The following DIABLO variants were observed in gnomAD, a reference collection of about 807,000 sequenced individuals.
The protein encoded by DIABLO is diablo IAP-binding mitochondrial protein.
DIABLO carries 32 observed loss-of-function variants against 31.7 expected under a neutral mutation model. The observed-to-expected ratio is 1.01, with a 90% CI of 0.76 to 1.35. The LOEUF (loss-of-function observed/expected upper bound fraction) is 1.35. Among genes scored for constraint, DIABLO ranks in the 40% most tolerant of loss-of-function variants. DIABLO has a pLI of 0.00. For missense variants in DIABLO, 316 were observed against 286.4 expected, an observed-to-expected ratio of 1.10 and a Z score of -0.75; for synonymous variants, 132 against 103.2, an observed-to-expected ratio of 1.28 and a Z score of -1.69.
intron 1 of DIABLO, chr12:122,225,123 G>T: frequency 3.1e-6 from 1 of 317,522 alleles, no homozygotes; most frequent in South Asian, 2.8e-5. Context: ...TGAGGCAGGA[G>T]AATCGCTTGA....
Position 122,224,633 on chromosome 12 carries a change from C to G in DIABLO, c.62G>C (p.Cys21Ser). 6.2e-7 allele frequency: 1 copy of G among 1,614,172 alleles called. No individual in the cohort carries two copies. The highest frequency in any genetic ancestry group is 8.5e-7 in the Non-Finnish European group (1 of 1,180,024). Residue 21 changes from cysteine to serine, a missense_variant, in exon 2 of 6, where the codon TGT becomes TCT. Coordinates refer to ENST00000464942, the MANE Select transcript of DIABLO (RefSeq NM_001371333.1). ...SVTSFFRYRQ[C>S]LCVPVVANFK... ...GTTAGCCACAACAGGAACACACAAACACTGTCTGTACCTGGAAGTAGAAGT... is the reference window on the plus strand; with the variant it reads ...GTTAGCCACAACAGGAACACACAAAGACTGTCTGTACCTGGAAGTAGAAGT...
At chr12:122,225,363 G>A (rs771028827) in intron 1 of DIABLO, 77 of 982,106 alleles carry the variant, frequency 7.8e-5, no homozygotes, top group Non-Finnish European at 9.1e-5. Flanking sequence ...CTCCAGCCTG[G>A]GCGACAGAGG....
chr12:122,222,486 C>T lies in DIABLO; in HGVS notation c.183+2026G>A, dbSNP rs542051870. The T allele has an allele frequency of 2.6e-5, 4 of 151,636 alleles. No individual in the cohort carries two copies. The South Asian group carries it at 8.3e-4, about 32-fold the overall frequency. The allele number at this position is 151,636 out of a possible 1,614,324, so 9.4% of individuals were successfully genotyped here. A position where few individuals can be genotyped will look rare whatever the true frequency, so the allele number is the denominator to read the frequency against. ...GGTGTGGTGGCGGGCGCCTGTAGTCCCAGCTACTCGGGAGGCTGAGGCAGG... is the reference window on the plus strand; with the variant it reads ...GGTGTGGTGGCGGGCGCCTGTAGTCTCAGCTACTCGGGAGGCTGAGGCAGG... On this transcript the variant is annotated intron_variant, in intron 2 of 5. Coordinates refer to ENST00000464942, the MANE Select transcript of DIABLO (RefSeq NM_001371333.1).
At chr12:122,209,098 G>A (rs1045453027) in intron 5 of DIABLO, 17 of 269,502 alleles carry the variant, frequency 6.3e-5, no homozygotes, top group East Asian at 1.1e-4. Context: ...AGTGGCTCAC[G>A]CCTCTAATCT....
At chr12:122,210,518 G>T (rs957670092) in intron 5 of DIABLO, among the ~76,000 whole-genome samples, 6 of 151,620 alleles carry the variant, frequency 4.0e-5, no homozygotes, top group Non-Finnish European at 8.8e-5. Flanking sequence ...GACTACAGGT[G>T]CCCACCACCA....
chr12:122,210,157 T>C (rs889912685), intron 5 of DIABLO, among the ~76,000 whole-genome samples: 2 of 152,186 alleles, frequency 1.3e-5, no homozygotes, highest in Non-Finnish European at 2.9e-5. Context: ...ACTGAGCTTT[T>C]CGTTTTGGTG....
chr12:122,221,096 GCT>G (rs1475537986), intron 2 of DIABLO: 3 of 152,102 alleles, frequency 2.0e-5, no homozygotes, highest in Non-Finnish European at 4.4e-5. Flanking sequence ...TTCCCATTAT[GCT>G]CTGATGACTC....
chr12:122,224,444 T>C (rs1845921022), intron 2 of DIABLO, 68 bp downstream of exon 2: 1 of 1,612,842 alleles, frequency 6.2e-7, no homozygotes, highest in Non-Finnish European at 8.5e-7. Flanking sequence ...TGTCTAATGC[T>C]TCACCGCCCA....
At chr12:122,226,817 G>C (rs569536579), upstream of DIABLO, among the ~76,000 whole-genome samples, 2 of 152,138 alleles carry the variant, frequency 1.3e-5, no homozygotes, top group Non-Finnish European at 2.9e-5. Flanking sequence ...GCTCTTCCCC[G>C]CGCCCCGCAG....
chr12:122,225,827 G>T, intron 1 of DIABLO, 138 bp downstream of exon 1: 6 of 1,509,480 alleles, frequency 4.0e-6, no homozygotes, highest in Non-Finnish European at 5.3e-6. Context: ...CCTCCCGACC[G>T]GAGCGAGACG....
intron 5 of DIABLO, among the ~76,000 whole-genome samples, chr12:122,215,610 ATTT>A (rs992101405): frequency 1.7e-4 from 26 of 151,390 alleles, no homozygotes; most frequent in African/African-American, 5.3e-4. Flanking sequence ...ATTAAAAAAA[ATTT>A]TTTTTTCTGT....
In DIABLO at chr12:122,224,523, G is replaced by C; in HGVS notation, c.172C>G (p.Pro58Ala). The change falls in exon 2 of 6, where the codon CCT (proline) becomes GCT (alanine). Residue 58 changes from proline (P) to alanine (A), a missense_variant. By Grantham distance (27) the Pro-to-Ala change is conservative. Coordinates refer to ENST00000464942, the MANE Select transcript of DIABLO (RefSeq NM_001371333.1). ...GCACACGACAGTACCTGTGCAATAG[G>C]AACCGCACACAGGGTTACTCCAAAG... The part of the protein sequence containing the change: ...IGFGVTLCAV[P>A]IAQKSEPHSL... 1 of 1,613,324 alleles carries C rather than the reference G, an allele frequency of 6.2e-7. No homozygotes were observed. Among genetic ancestry groups the C allele is most frequent in the Non-Finnish European group, 8.5e-7 (1 of 1,179,926 alleles).
At chr12:122,208,659 G>A in intron 5 of DIABLO, 82 bp from the exon 6 acceptor site, 2 of 1,433,908 alleles carry the variant, frequency 1.4e-6, no homozygotes, top group Non-Finnish European at 1.9e-6. Context: ...GGGGTGCTGT[G>A]GCTGTCATCT....
chr12:122,218,404 G>A lies in DIABLO; in HGVS notation c.184-7C>T, dbSNP rs749332200. On this transcript the variant is annotated splice_polypyrimidine_tract_variant and splice_region_variant and intron_variant, in intron 2 of 5. Coordinates refer to ENST00000464942, the MANE Select transcript of DIABLO (RefSeq NM_001371333.1). ...GGGAATGAGGCTCTGATTTCTGAAA[G>A]ACACAAACATTGTCACTCAACCTCT... 1.9e-6 allele frequency: 3 copies of A among 1,614,038 alleles called. No individual in the cohort carries two copies. Among genetic ancestry groups the A allele is most frequent in the South Asian group, 1.1e-5 (1 of 91,084 alleles).
chr12:122,225,420 A>G (rs1206644216), intron 1 of DIABLO: 3 of 997,398 alleles, frequency 3.0e-6, no homozygotes, highest in Non-Finnish European at 3.6e-6. Context: ...TGTTGCCTTT[A>G]AACTTTTTAG....
intron 5 of DIABLO, chr12:122,209,648 G>A (rs1345303334): frequency 1.5e-6 from 1 of 673,682 alleles, no homozygotes; most frequent in Non-Finnish European, 2.7e-6. Flanking sequence ...CTAGGTGAGA[G>A]TGAAACTCGT....
intron 1 of DIABLO, 31 bp from the exon 2 acceptor site, chr12:122,224,675 C>A (rs772718083): frequency 2.2e-5 from 35 of 1,613,878 alleles, no homozygotes; most frequent in Non-Finnish European, 2.8e-5. Context: ...TCATAAGGCA[C>A]GACCGCCAAT....
chr12:122,208,681 G>A, intron 5 of DIABLO, 104 bp from the exon 6 acceptor site: 1 of 1,189,310 alleles, frequency 8.4e-7, no homozygotes, highest in Non-Finnish European at 1.2e-6. Context: ...AACCCCTCTT[G>A]GGGTCACTTT....
chr12:122,212,925 ATTTT>A (rs563064519), intron 5 of DIABLO, among the ~76,000 whole-genome samples: 1 of 150,866 alleles, frequency 6.6e-6, no homozygotes, highest in African/African-American at 2.4e-5. Flanking sequence ...GCGCCCGGCC[ATTTT>A]TTTGTTTTTA....
Sources: allele counts gnomAD v4.1 joint callset (sites outside exome capture counted in the v4.1 genomes callset), GRCh38; gene constraint gnomAD v4.1.1; transcripts MANE v1.5; gene names NCBI Gene and HGNC (gene_info 2026-07-23, HGNC 2026-07-21).